The following ZNF385D variants were observed in gnomAD, a reference collection of about 807,000 sequenced individuals.
ZNF385D encodes the protein zinc finger protein 385D, also known as zinc finger protein 659.
Under a neutral mutation model 35.8 loss-of-function variants are expected in ZNF385D, and 15 were observed. The ratio of observed to expected loss-of-function variants is 0.42; its 90% CI spans 0.28 to 0.64. ZNF385D has a LOEUF of 0.64. Ranked by LOEUF, ZNF385D falls within the 30% of genes least tolerant of loss-of-function variation. ZNF385D has a pLI of 0.23. For missense variants in ZNF385D, 474 were observed against 494.6 expected (o/e 0.96, Z 0.39); for synonymous variants, 212 against 186.8 (o/e 1.13, Z -1.10).
At chr3:21,728,024 A>G (rs1157224405) in intron 1 of ZNF385D, among the ~76,000 whole-genome samples, 1 of 152,162 alleles carries the variant, frequency 6.6e-6, no homozygotes, top group Non-Finnish European at 1.5e-5. Context: ...TTCTCAGCAA[A>G]CTAACACAGG....
At chr3:21,755,737 C>A (rs1023059161), upstream of ZNF385D, among the ~76,000 whole-genome samples, 1 of 152,108 alleles carries the variant, frequency 6.6e-6, no homozygotes, top group African/African-American at 2.4e-5. Flanking sequence ...ACAAATCCAT[C>A]GTTTAATGAA....
intron 4 of ZNF385D, among the ~76,000 whole-genome samples, chr3:21,484,236 G>T (rs892730008): frequency 6.6e-6 from 1 of 152,154 alleles, no homozygotes; most frequent in African/African-American, 2.4e-5. Flanking sequence ...TAGAGAGGTT[G>T]CCATGAGGCA....
upstream of ZNF385D, among the ~76,000 whole-genome samples, chr3:21,752,384 G>A (rs1024130929): frequency 6.6e-6 from 1 of 151,946 alleles, no homozygotes; most frequent in Admixed American, 6.6e-5. Flanking sequence ...TTTAATCTGG[G>A]CTTTTATAAA....
intron 3 of ZNF385D, among the ~76,000 whole-genome samples, chr3:21,911,043 G>C (rs1475546287): frequency 6.6e-6 from 1 of 151,782 alleles, no homozygotes; most frequent in African/African-American, 2.4e-5. Flanking sequence ...GTTGAGAGAA[G>C]GGTGCTTATT....
intron 1 of ZNF385D, among the ~76,000 whole-genome samples, chr3:21,716,952 T>C (rs942784028): frequency 1.3e-5 from 2 of 151,916 alleles, no homozygotes; most frequent in African/African-American, 4.8e-5. Context: ...TGAAACCCCG[T>C]CTCTACTAAA....
chr3:21,667,967 G>A (rs940145703), intron 1 of ZNF385D, among the ~76,000 whole-genome samples: 1 of 152,052 alleles, frequency 6.6e-6, no homozygotes, highest in Admixed American at 6.6e-5. Context: ...TAGAAAGTTC[G>A]AAAAAATATT....
At chr3:21,915,305 G>A (rs982831960) in intron 3 of ZNF385D, among the ~76,000 whole-genome samples, 2 of 151,886 alleles carry the variant, frequency 1.3e-5, no homozygotes, top group African/African-American at 4.8e-5. Flanking sequence ...AAGCACCTTG[G>A]GTTGAGTTTA....
intron 2 of ZNF385D, among the ~76,000 whole-genome samples, chr3:22,323,976 G>A (rs962460172): frequency 1.3e-5 from 2 of 152,096 alleles, no homozygotes; most frequent in South Asian, 4.1e-4. Flanking sequence ...CTAGAAATGA[G>A]CTCATGGTCC....
intron 3 of ZNF385D, among the ~76,000 whole-genome samples, chr3:21,994,446 G>C (rs1237609230): frequency 6.6e-6 from 1 of 151,994 alleles, no homozygotes; most frequent in Non-Finnish European, 1.5e-5. Context: ...TTGTTTTCCT[G>C]AATTATTTAT....
intron 4 of ZNF385D, among the ~76,000 whole-genome samples, chr3:21,471,914 T>C (rs889235942): frequency 6.6e-6 from 1 of 152,150 alleles, no homozygotes; most frequent in African/African-American, 2.4e-5. Flanking sequence ...TTTTATTACA[T>C]ACATAAGTTC....
chr3:21,938,492 C>T (rs554588647), intron 3 of ZNF385D, among the ~76,000 whole-genome samples: 5 of 152,318 alleles, frequency 3.3e-5, no homozygotes, highest in Non-Finnish European at 5.9e-5. Context: ...AGACCTTGTT[C>T]AGACAATGAC....
At chr3:21,689,568 T>C (rs1463237691) in intron 1 of ZNF385D, among the ~76,000 whole-genome samples, 2 of 152,200 alleles carry the variant, frequency 1.3e-5, no homozygotes, top group Admixed American at 6.5e-5. Context: ...AGATTTCATA[T>C]GCATTTAGTT....
chr3:21,827,448 A>G (rs569324379), intron 3 of ZNF385D, among the ~76,000 whole-genome samples: 36 of 152,234 alleles, frequency 2.4e-4, no homozygotes, highest in Non-Finnish European at 3.7e-4. Context: ...TCAAATACTT[A>G]TCGAGACATC....
intron 2 of ZNF385D, among the ~76,000 whole-genome samples, chr3:22,348,871 G>A (rs1366400985): frequency 1.3e-5 from 2 of 152,112 alleles, no homozygotes; most frequent in Non-Finnish European, 1.5e-5. Context: ...TCAATCTGTG[G>A]TACTTTGTTA....
chr3:22,100,531 G>C (rs1433667133), intron 3 of ZNF385D, among the ~76,000 whole-genome samples: 1 of 152,088 alleles, frequency 6.6e-6, no homozygotes, highest in Non-Finnish European at 1.5e-5. Flanking sequence ...CATGACCTTT[G>C]TAGGGACATG....
At chr3:22,066,688 G>A (rs1270169987) in intron 3 of ZNF385D, among the ~76,000 whole-genome samples, 2 of 151,908 alleles carry the variant, frequency 1.3e-5, no homozygotes, top group African/African-American at 4.8e-5. Context: ...GTTAGAAGAG[G>A]AAAATCTAGT....
At chr3:21,819,371 G>C (rs1258783086) in intron 3 of ZNF385D, among the ~76,000 whole-genome samples, 1 of 151,176 alleles carries the variant, frequency 6.6e-6, no homozygotes, top group East Asian at 1.9e-4. Flanking sequence ...CCAGAAGCTC[G>C]AACCTAAAAC....
chr3:22,255,756 C>A (rs976693781), intron 2 of ZNF385D, among the ~76,000 whole-genome samples: 7 of 148,742 alleles, frequency 4.7e-5, no homozygotes, highest in Admixed American at 2.7e-4. Context: ...TGTATTTATT[C>A]TCTTGAGAGT....
At chr3:21,600,510 G>GA (rs1170804726) in intron 2 of ZNF385D, among the ~76,000 whole-genome samples, 1 of 152,040 alleles carries the variant, frequency 6.6e-6, no homozygotes, top group African/African-American at 2.4e-5. Flanking sequence ...ATTAAAACAA[G>GA]AAAAAAACAG....
Sources: gnomAD v4.1 joint callset for allele counts (sites outside exome capture counted in the v4.1 genomes callset) on GRCh38, gnomAD v4.1.1 for gene constraint, MANE v1.5 for transcripts, NCBI Gene and HGNC (gene_info 2026-07-23, HGNC 2026-07-21) for gene names.